The following UGT1A3 variants were observed in gnomAD, a reference collection of about 807,000 sequenced individuals.
UGT1A3 encodes the protein UDP-glucuronosyltransferase 1A3.
Under a neutral mutation model 41.0 loss-of-function variants are expected in UGT1A3, and 31 were observed. That is an observed-to-expected ratio of 0.76 (90% CI 0.57 to 1.02). The LOEUF is 1.02. Ranked by LOEUF, UGT1A3 falls within the 50% of genes least tolerant of loss-of-function variation. The probability of loss-of-function intolerance (pLI) is 0.00; values close to 1 mark genes in which losing one functional copy is unlikely to be tolerated. For synonymous variants in UGT1A3, 262 were observed against 257.6 expected, an observed-to-expected ratio of 1.02 and a Z score of -0.17; for missense variants, 737 against 671.0, an observed-to-expected ratio of 1.10 and a Z score of -1.09.
At chr2:233,766,576 G>A (rs983735374) in intron 1 of UGT1A3, among the ~76,000 whole-genome samples, 1 of 152,162 alleles carries the variant, frequency 6.6e-6, no homozygotes, top group Non-Finnish European at 1.5e-5. Flanking sequence ...GCACAGGTCT[G>A]GGGGTGGAGC....
At chr2:233,758,789 A>G (rs1481427299) in intron 1 of UGT1A3, among the ~76,000 whole-genome samples, 3 of 152,222 alleles carry the variant, frequency 2.0e-5, no homozygotes, top group Admixed American at 6.5e-5. Context: ...CTGTGCAGTT[A>G]TCTTGGAATT....
Position 233,729,525 on chromosome 2 carries a change from T to C in UGT1A3, c.399T>C (p.His133=), listed in dbSNP as rs763371606. The change falls in exon 1 of 5, where the codon CAT becomes CAC. Residue 133 remains histidine, a synonymous_variant. Coordinates refer to ENST00000482026, the MANE Select transcript of UGT1A3 (RefSeq NM_019093.4). The stretch of plus-strand genomic sequence containing the variant: ...ATAGGTCTTGTGTGGAGCTACTACA[T>C]AATGAGGCCCTGATCAGGCACCTGA... ...VYHRSCVELL[H]NEALIRHLNA... 1.9e-6 allele frequency: 3 copies of C among 1,614,216 alleles called. No individual in the cohort carries two copies. The highest frequency in any genetic ancestry group is 2.5e-6 in the Non-Finnish European group (3 of 1,180,040).
chr2:233,755,312 G>A (rs976147893), intron 1 of UGT1A3: 4 of 551,240 alleles, frequency 7.3e-6, no homozygotes, highest in South Asian at 3.7e-5. Flanking sequence ...CACAGCGAGC[G>A]GCAAGGCTGC....
At chr2:233,732,788 G>T (rs1197919428) in intron 1 of UGT1A3, among the ~76,000 whole-genome samples, 1 of 148,664 alleles carries the variant, frequency 6.7e-6, no homozygotes, top group Non-Finnish European at 1.5e-5. Context: ...GATTGTCTTG[G>T]CAATGCAGGC....
intron 4 of UGT1A3, 78 bp from the exon 5 acceptor site, chr2:233,772,184 T>C (rs1700476163): frequency 6.3e-7 from 1 of 1,591,636 alleles, no homozygotes; most frequent in East Asian, 2.3e-5. Context: ...GTAGTCTTCT[T>C]AAGCAGCCAT....
At chr2:233,747,089 AC>A in intron 1 of UGT1A3, 1 of 1,215,556 alleles carries the variant, frequency 8.2e-7, no homozygotes, top group Non-Finnish European at 1.1e-6. Context: ...GGAGGAGAGC[AC>A]TCTATCTTCC....
At chr2:233,735,659 T>C (rs1049518793) in intron 1 of UGT1A3, among the ~76,000 whole-genome samples, 2 of 152,208 alleles carry the variant, frequency 1.3e-5, no homozygotes, top group African/African-American at 2.4e-5. Context: ...TGGTGTTTCT[T>C]TCCATGTTTA....
In UGT1A3 at chr2:233,730,882, A is replaced by G. The variant is rs150237801; in HGVS notation, c.867+889A>G. On this transcript the variant is annotated intron_variant, in intron 1 of 4. Coordinates refer to ENST00000482026, the MANE Select transcript of UGT1A3 (RefSeq NM_019093.4). ...ACCCTACTGCACTCCAGGTTTCTAT[A>G]GTGGGATCTACTCCTTTACCAAAAA... 3.7e-3 allele frequency among the ~76,000 whole-genome samples: 556 copies of G among 152,264 alleles called. 1 individual carries two copies. The highest frequency in any genetic ancestry group is 7.3e-3 in the Admixed American group (112 of 15,302).
At chr2:233,742,994 G>A in intron 1 of UGT1A3, 1 of 234,262 alleles carries the variant, frequency 4.3e-6, no homozygotes, top group South Asian at 6.0e-5. Flanking sequence ...ATAGCAAATT[G>A]CATACAGATA....
At chr2:233,743,513 T>C (rs1354115874) in intron 1 of UGT1A3, 1 of 1,367,162 alleles carries the variant, frequency 7.3e-7, no homozygotes, top group South Asian at 1.1e-5. Flanking sequence ...GCAGACGCTC[T>C]GCTTCTGCTT....
At chr2:233,736,386 G>A (rs2078758058) in intron 1 of UGT1A3, among the ~76,000 whole-genome samples, 1 of 152,142 alleles carries the variant, frequency 6.6e-6, no homozygotes, top group South Asian at 2.1e-4. Context: ...CTTCTCTACA[G>A]TGTTTATTCT....
intron 1 of UGT1A3, chr2:233,754,420 G>A (rs2125925827): frequency 2.9e-6 from 1 of 342,686 alleles, no homozygotes; most frequent in East Asian, 7.5e-5. Context: ...ATAAAGACAG[G>A]CATTGGCATA....
At chr2:233,741,305 C>T (rs1177807292) in intron 1 of UGT1A3, among the ~76,000 whole-genome samples, 1 of 151,474 alleles carries the variant, frequency 6.6e-6, no homozygotes, top group Non-Finnish European at 1.5e-5. Context: ...TGTGTAGATA[C>T]ACACCAACTC....
chr2:233,747,198 C>G, intron 1 of UGT1A3: 10 of 1,604,166 alleles, frequency 6.2e-6, no homozygotes, highest in South Asian at 1.1e-5. Context: ...GTCAGCTGTC[C>G]GTGTCTTCTG....
intron 1 of UGT1A3, chr2:233,747,379 A>G: frequency 1.2e-6 from 2 of 1,605,180 alleles, no homozygotes; most frequent in South Asian, 1.1e-5. Flanking sequence ...GCCAGAGGCC[A>G]CCAGGCGGTG....
At position 233,747,626 on chromosome 2, in the gene UGT1A3, C is replaced by G. The variant is rs546895525; in HGVS notation, c.867+17633C>G. 8.9e-6 allele frequency: 14 copies of G among 1,577,506 alleles called. No homozygotes were observed. The African/African-American group carries it at 1.8e-4, about 20-fold the overall frequency. ...AGCTACTGCATAATGAGGCCCTGAT[C>G]AGGCACCTGAATGCTACTTCCTTCG... On this transcript the variant is annotated intron_variant, in intron 1 of 4. Coordinates refer to ENST00000482026, the MANE Select transcript of UGT1A3 (RefSeq NM_019093.4).
chr2:233,758,383 T>C (rs1384884444), intron 1 of UGT1A3, among the ~76,000 whole-genome samples: 2 of 152,192 alleles, frequency 1.3e-5, no homozygotes, highest in East Asian at 3.8e-4. Context: ...AGTGGTGACT[T>C]ATGTGTTTAT....
intron 1 of UGT1A3, among the ~76,000 whole-genome samples, chr2:233,750,053 G>A (rs1694341640): frequency 6.6e-6 from 1 of 151,850 alleles, no homozygotes. Flanking sequence ...ATGTGGAAGT[G>A]ACTTTGGAAC....
In UGT1A3 at chr2:233,729,574, T is replaced by C. The variant is rs774879716; in HGVS notation, c.448T>C (p.Leu150=). 1.9e-6 allele frequency: 3 copies of C among 1,614,162 alleles called. No homozygotes were observed. Among genetic ancestry groups the C allele is most frequent in the Non-Finnish European group, 1.7e-6 (2 of 1,180,014 alleles). Residue 150 remains leucine, a synonymous_variant, in exon 1 of 5, where the codon TTA becomes CTA. Transcript: ENST00000482026. Reference sequence around the variant, plus strand: ...GAATGCTACTTCCTTTGATGTGGTTTTAACAGACCCCGTTAACCTCTGCGC... The same window carrying C: ...GAATGCTACTTCCTTTGATGTGGTTCTAACAGACCCCGTTAACCTCTGCGC... The part of the protein sequence containing the change: ...HLNATSFDVV[L]TDPVNLCAAV...
Sources: allele counts gnomAD v4.1 joint callset (sites outside exome capture counted in the v4.1 genomes callset), GRCh38; gene constraint gnomAD v4.1.1; transcripts MANE v1.5; gene names NCBI Gene and HGNC (gene_info 2026-07-23, HGNC 2026-07-21).